Variants in KLHL1 observed in about 807,000 individuals in gnomAD.
The protein encoded by KLHL1 is kelch-like protein 1.
Under a neutral mutation model 77.7 loss-of-function variants are expected in KLHL1, and 47 were observed. The ratio of observed to expected loss-of-function variants is 0.60; its 90% CI spans 0.48 to 0.77. The LOEUF is 0.77. Among genes scored for constraint, KLHL1 ranks in the 30% least tolerant of loss-of-function variants. The probability of loss-of-function intolerance (pLI) is 0.00; values close to 1 mark genes in which losing one functional copy is unlikely to be tolerated. For missense variants in KLHL1, 925 were observed against 910.8 expected (o/e 1.02, Z -0.20); for synonymous variants, 360 against 325.2 (o/e 1.11, Z -1.15).
At chr13:69,809,014 A>AG (rs1435054824) in intron 6 of KLHL1, among the ~76,000 whole-genome samples, 1 of 128,300 alleles carries the variant, frequency 7.8e-6, no homozygotes, top group African/African-American at 3.1e-5. Flanking sequence ...AAAAAAATAA[A>AG]GTAAAAGAAT....
intron 7 of KLHL1, among the ~76,000 whole-genome samples, chr13:69,757,489 T>G (rs951806442): frequency 6.6e-6 from 1 of 152,306 alleles, no homozygotes; most frequent in Middle Eastern, 3.4e-3. Context: ...CCATATAACT[T>G]AATATGTCAG....
chr13:69,706,739 T>C lies in KLHL1; in HGVS notation c.2187+886A>G, dbSNP rs1390214340. Among the ~76,000 whole-genome samples, 3 of 151,914 alleles carry C rather than the reference T, an allele frequency of 2.0e-5. No homozygotes were observed. In the East Asian group the frequency reaches 5.8e-4, roughly 29 times the overall value. ...AAATATTGAGAGATTTGGAGAAGAA[T>C]GAAAGTAAAGAGAAATCTAATATGT... On this transcript the variant is annotated intron_variant, in intron 10 of 10. Transcript: ENST00000377844.
intron 6 of KLHL1, among the ~76,000 whole-genome samples, chr13:69,835,591 T>C (rs1387441422): frequency 2.0e-5 from 3 of 152,120 alleles, no homozygotes; most frequent in Non-Finnish European, 4.4e-5. Context: ...TTGAAGCAGA[T>C]TCAGGCTCAT....
intron 1 of KLHL1, among the ~76,000 whole-genome samples, chr13:69,983,924 G>A (rs60621173): frequency 0.21 from 23,073 of 111,790 alleles, 3,748 homozygotes; most frequent in African/African-American, 0.47. Context: ...AGATCCCACA[G>A]TAAATGATGC....
chr13:69,776,015 G>A (rs1176314587), intron 7 of KLHL1, among the ~76,000 whole-genome samples: 1 of 151,702 alleles, frequency 6.6e-6, no homozygotes, highest in Non-Finnish European at 1.5e-5. Flanking sequence ...AACTAGCTTG[G>A]CGTGGTGGTG....
chr13:69,753,370 A>T (rs1258200913), intron 7 of KLHL1, among the ~76,000 whole-genome samples: 2 of 152,196 alleles, frequency 1.3e-5, no homozygotes, highest in Non-Finnish European at 2.9e-5. Flanking sequence ...AGAGGATGAC[A>T]TCATTAGAAC....
intron 1 of KLHL1, among the ~76,000 whole-genome samples, chr13:70,055,782 C>T (rs1886730120): frequency 6.6e-6 from 1 of 151,778 alleles, no homozygotes; most frequent in African/African-American, 2.4e-5. Context: ...GTTTGCAAGT[C>T]ACATTGTAAC....
At chr13:70,045,333 T>A (rs1886468466) in intron 1 of KLHL1, among the ~76,000 whole-genome samples, 2 of 152,176 alleles carry the variant, frequency 1.3e-5, no homozygotes, top group Admixed American at 1.3e-4. Flanking sequence ...CTGTACAGTT[T>A]CTCAATTGCA....
At chr13:69,855,337 T>G (rs374515986) in intron 5 of KLHL1, among the ~76,000 whole-genome samples, 832 of 72,366 alleles carry the variant, frequency 0.011, 10 homozygotes, top group African/African-American at 0.026. Flanking sequence ...GATAGATAGA[T>G]AGATAGATAG....
At chr13:69,997,277 T>G (rs1885180116) in intron 1 of KLHL1, among the ~76,000 whole-genome samples, 1 of 119,884 alleles carries the variant, frequency 8.3e-6, no homozygotes. Flanking sequence ...TTTTATTTTT[T>G]CTTTTTTATT....
intron 7 of KLHL1, among the ~76,000 whole-genome samples, chr13:69,789,184 A>G (rs1259855908): frequency 6.6e-6 from 1 of 152,128 alleles, no homozygotes; most frequent in East Asian, 1.9e-4. Context: ...TTCCACAGGA[A>G]TCTTTAGGAT....
At chr13:69,752,300 G>A (rs17085322) in intron 7 of KLHL1, among the ~76,000 whole-genome samples, 6 of 151,952 alleles carry the variant, frequency 3.9e-5, no homozygotes, top group South Asian at 2.1e-4. Context: ...AATGCACCCC[G>A]TTGCCTCTAT....
rs1447353529 is a variant in KLHL1, at chr13:69,961,341, C to T, written c.784G>A (p.Ala262Thr). The change falls in exon 3 of 11, where the codon GCT (alanine) becomes ACT (threonine). Residue 262 changes from alanine to threonine, a missense_variant. Transcript: ENST00000377844. Reference sequence around the variant, plus strand: ...GCAAATTGGACAAGGTCCCAGAGAGCATTGGGGTCTATGCCTTCCATTTTG... The same window carrying T: ...GCAAATTGGACAAGGTCCCAGAGAGTATTGGGGTCTATGCCTTCCATTTTG... ...EIKMEGIDPN[A>T]LWDLVQFAYT... is the part of the protein sequence containing the mutation. 1 of 1,612,898 alleles carries T rather than the reference C, an allele frequency of 6.2e-7. No homozygotes were observed. The highest frequency in any genetic ancestry group is 1.7e-5 in the Admixed American group (1 of 59,878).
intron 6 of KLHL1, 71 bp downstream of exon 6, chr13:69,838,905 C>T (rs1179205763): frequency 3.1e-6 from 3 of 982,160 alleles, no homozygotes; most frequent in Admixed American, 3.1e-5. Flanking sequence ...TGTAGTATCA[C>T]CATTACAATA....
At chr13:70,044,028 C>T (rs1034379899) in intron 1 of KLHL1, among the ~76,000 whole-genome samples, 14 of 152,230 alleles carry the variant, frequency 9.2e-5, no homozygotes, top group South Asian at 8.3e-4. Context: ...AGTAAATTCC[C>T]GTTGTCCTAT....
intron 8 of KLHL1, among the ~76,000 whole-genome samples, chr13:69,726,614 T>C (rs925478289): frequency 1.3e-5 from 2 of 152,180 alleles, no homozygotes; most frequent in African/African-American, 4.8e-5. Context: ...AGGGTCTACC[T>C]ACCTTTATTT....
chr13:69,964,200 T>C (rs961641045), intron 2 of KLHL1, among the ~76,000 whole-genome samples: 2 of 152,134 alleles, frequency 1.3e-5, no homozygotes, highest in African/African-American at 4.8e-5. Context: ...TATGCTACCA[T>C]GCCTAGCTAG....
intron 5 of KLHL1, among the ~76,000 whole-genome samples, chr13:69,870,075 G>A (rs556395432): frequency 6.6e-6 from 1 of 152,246 alleles, no homozygotes; most frequent in African/African-American, 2.4e-5. Context: ...GTCTCAGTTT[G>A]TGTTGCTATC....
intron 7 of KLHL1, among the ~76,000 whole-genome samples, chr13:69,770,408 T>C (rs1875508723): frequency 6.6e-6 from 1 of 152,262 alleles, no homozygotes; most frequent in Admixed American, 6.5e-5. Flanking sequence ...AAAACTATCC[T>C]ACGTCATTGA....
Sources: gnomAD v4.1 joint callset for allele counts (sites outside exome capture counted in the v4.1 genomes callset) on GRCh38, gnomAD v4.1.1 for gene constraint, MANE v1.5 for transcripts, NCBI Gene and HGNC (gene_info 2026-07-23, HGNC 2026-07-21) for gene names.